ZPBP: variants seen among roughly 807,000 people sequenced by gnomAD.
The protein encoded by ZPBP is zona pellucida binding protein, also known as zona pellucida-binding protein 1.
A neutral mutation model predicts 44.8 loss-of-function variants in ZPBP; 26 were observed. The ratio of observed to expected loss-of-function variants is 0.58; its 90% CI spans 0.43 to 0.81. The LOEUF is 0.81. Ranked by LOEUF, ZPBP falls within the 30% of genes least tolerant of loss-of-function variation. The probability of loss-of-function intolerance (pLI) is 0.00; values close to 1 mark genes in which losing one functional copy is unlikely to be tolerated. For missense variants in ZPBP, 409 were observed against 434.0 expected (o/e 0.94, Z 0.51); for synonymous variants, 174 against 153.2 (o/e 1.14, Z -1.00).
chr7:49,958,314 G>A (rs1795699509), intron 7 of ZPBP, among the ~76,000 whole-genome samples: 1 of 152,116 alleles, frequency 6.6e-6, no homozygotes, highest in Non-Finnish European at 1.5e-5. Flanking sequence ...ATGACTGTAT[G>A]TTATATGTGA....
chr7:50,008,865 A>G (rs1271351919), intron 6 of ZPBP, among the ~76,000 whole-genome samples: 1 of 152,068 alleles, frequency 6.6e-6, no homozygotes, highest in Non-Finnish European at 1.5e-5. Flanking sequence ...CACTGCAATA[A>G]GCAAAAGAGT....
chr7:49,855,486 AG>A (rs1490831469), intron 2 of ZPBP, among the ~76,000 whole-genome samples: 3 of 152,154 alleles, frequency 2.0e-5, no homozygotes, highest in African/African-American at 7.2e-5. Context: ...GGTATTTCCC[AG>A]GTGAAAGAGG....
In ZPBP at chr7:50,008,787, C is replaced by T. The variant is rs147429138; in HGVS notation, c.783+9453G>A. Among the ~76,000 whole-genome samples, 437 of 152,144 alleles carry T rather than the reference C, an allele frequency of 2.9e-3. 1 individual carries two copies. Among genetic ancestry groups the T allele is most frequent in the Non-Finnish European group, 4.7e-3 (320 of 68,026 alleles). Reference sequence around the variant, plus strand: ...GTGAAAAGATGAATGCCTTCCCCATCGCTGGAGAACAAGGAAAAGATGTCC... The same window carrying T: ...GTGAAAAGATGAATGCCTTCCCCATTGCTGGAGAACAAGGAAAAGATGTCC... On this transcript the variant is annotated intron_variant, in intron 6 of 7. Transcript: ENST00000046087.
chr7:50,022,948 A>G lies in ZPBP; in HGVS notation c.707-4632T>C, dbSNP rs940899027. ...AGGGGAGGGCTTCCAAACTTCCCTG[A>G]GCTTTATGTCTAGGAAACCCCACAA... On this transcript the variant is annotated intron_variant, in intron 5 of 7. Transcript: ENST00000046087. Among the ~76,000 whole-genome samples, 3 of 152,040 alleles carry G rather than the reference A, an allele frequency of 2.0e-5. No individual in the cohort carries two copies. In the East Asian group the frequency reaches 5.8e-4, roughly 29 times the overall value.
intron 6 of ZPBP, among the ~76,000 whole-genome samples, chr7:50,014,470 T>TC (rs1057383385): frequency 2.0e-5 from 3 of 149,306 alleles, no homozygotes; most frequent in Admixed American, 6.7e-5. Flanking sequence ...TTTTTCTTTT[T>TC]TTTTTTTTTT....
chr7:50,056,222 T>C (rs946588363), intron 4 of ZPBP: 7 of 152,208 alleles, frequency 4.6e-5, no homozygotes, highest in Non-Finnish European at 1.0e-4. Flanking sequence ...AAATGAGTCT[T>C]ACTAAGCAAA....
At chr7:49,899,475 G>A (rs1016236778) in intron 2 of ZPBP, among the ~76,000 whole-genome samples, 1 of 151,948 alleles carries the variant, frequency 6.6e-6, no homozygotes. Context: ...GTAAATGGAT[G>A]GATAAAGTTA....
chr7:49,854,828 G>A (rs1003461346), intron 2 of ZPBP, among the ~76,000 whole-genome samples: 2 of 152,200 alleles, frequency 1.3e-5, no homozygotes, highest in African/African-American at 4.8e-5. Context: ...ATAAATTGGT[G>A]CACTTGTCAC....
At chr7:50,078,083 T>C (rs1051999365) in intron 3 of ZPBP, among the ~76,000 whole-genome samples, 1 of 151,826 alleles carries the variant, frequency 6.6e-6, no homozygotes, top group Admixed American at 6.6e-5. Context: ...GATCCAGACA[T>C]TTGCAACAAC....
chr7:49,911,119 A>C (rs1202070039), intron 1 of ZPBP, among the ~76,000 whole-genome samples: 3 of 152,178 alleles, frequency 2.0e-5, no homozygotes, highest in Non-Finnish European at 4.4e-5. Flanking sequence ...AGAATTAATT[A>C]AACGAAATGG....
chr7:50,018,051 G>T (rs1798900982), intron 6 of ZPBP, among the ~76,000 whole-genome samples, 189 bp downstream of exon 6: 1 of 151,974 alleles, frequency 6.6e-6, no homozygotes, highest in African/African-American at 2.4e-5. Flanking sequence ...GGCTAAATTT[G>T]AAAGTATTTT....
intron 2 of ZPBP, among the ~76,000 whole-genome samples, chr7:49,869,631 G>C (rs534195926): frequency 2.9e-4 from 44 of 152,232 alleles, no homozygotes; most frequent in African/African-American, 1.0e-3. Context: ...AAAAGGATCT[G>C]TTTGTCACCA....
chr7:49,941,682 A>C (rs1794890963), intron 7 of ZPBP, among the ~76,000 whole-genome samples: 1 of 152,194 alleles, frequency 6.6e-6, no homozygotes. Flanking sequence ...CATGGGTTGG[A>C]ACACAATATT....
At chr7:49,850,331 A>G (rs1790126061), downstream of ZPBP, 1 of 152,264 alleles carries the variant, frequency 6.6e-6, no homozygotes, top group Admixed American at 6.5e-5. Context: ...CACACCTGCC[A>G]TCTGCCAGTT....
intron 2 of ZPBP, among the ~76,000 whole-genome samples, chr7:49,881,499 T>G (rs1230118642): frequency 6.6e-6 from 1 of 152,164 alleles, no homozygotes; most frequent in Non-Finnish European, 1.5e-5. Flanking sequence ...ACGTCCTGTC[T>G]CTTTTGACTG....
chr7:50,071,536 G>A (rs1161663564), intron 3 of ZPBP, among the ~76,000 whole-genome samples: 1 of 152,120 alleles, frequency 6.6e-6, no homozygotes, highest in Non-Finnish European at 1.5e-5. Context: ...CACCAGCTGG[G>A]GAAGCCAAGG....
At chr7:49,990,576 C>T (rs375202720) in intron 6 of ZPBP, among the ~76,000 whole-genome samples, 6 of 151,530 alleles carry the variant, frequency 4.0e-5, no homozygotes, top group African/African-American at 1.5e-4. Flanking sequence ...TTGAAAAAAA[C>T]GTCCCCTGAA....
chr7:49,981,228 C>T (rs1430734324), intron 7 of ZPBP, among the ~76,000 whole-genome samples: 1 of 98,288 alleles, frequency 1.0e-5, no homozygotes, highest in Admixed American at 1.4e-4. Context: ...TATTTATATA[C>T]AAATTGTAAA....
At chr7:50,059,033 G>A (rs1399147874) in intron 3 of ZPBP, among the ~76,000 whole-genome samples, 3 of 152,176 alleles carry the variant, frequency 2.0e-5, no homozygotes, top group Admixed American at 6.6e-5. Flanking sequence ...GAATGCTAAA[G>A]TACTTGGAAA....
Sources: allele counts gnomAD v4.1 joint callset (sites outside exome capture counted in the v4.1 genomes callset), GRCh38; gene constraint gnomAD v4.1.1; transcripts MANE v1.5; gene names NCBI Gene and HGNC (gene_info 2026-07-23, HGNC 2026-07-21).